SF3A3: variants seen among roughly 807,000 people sequenced by gnomAD.
The protein encoded by SF3A3 is splicing factor 3a subunit 3, also known as SAP 61.
SF3A3 carries 9 observed loss-of-function variants against 85.8 expected under a neutral mutation model. The ratio of observed to expected loss-of-function variants is 0.10; its 90% CI spans 0.06 to 0.18. The LOEUF (loss-of-function observed/expected upper bound fraction) is 0.18. Among genes scored for constraint, SF3A3 ranks in the 10% least tolerant of loss-of-function variants. The probability of loss-of-function intolerance (pLI) is 1.00; values close to 1 mark genes in which losing one functional copy is unlikely to be tolerated. For missense variants in SF3A3, 306 were observed against 593.3 expected, an observed-to-expected ratio of 0.52 and a Z score of 5.03; for synonymous variants, 195 against 204.4, an observed-to-expected ratio of 0.95 and a Z score of 0.39.
chr1:37,961,520 G>T (rs1053640296), intron 15 of SF3A3, among the ~76,000 whole-genome samples: 13 of 151,562 alleles, frequency 8.6e-5, no homozygotes, highest in African/African-American at 3.2e-4. Flanking sequence ...GGAGGTGGAG[G>T]TTGGGGTGAG....
intron 8 of SF3A3, 34 bp downstream of exon 8, chr1:37,980,552 G>C (rs1434033664): frequency 6.2e-7 from 1 of 1,606,138 alleles, no homozygotes; most frequent in Admixed American, 1.7e-5. Context: ...CAATTCCCTG[G>C]CATGTCCACC....
rs749234675 is a variant in SF3A3, at chr1:37,969,537, G to A, written c.1170+34C>T. The A allele has an allele frequency of 3.7e-6, 6 of 1,613,998 alleles. No homozygotes were observed. The African/African-American group carries it at 8.0e-5, about 22-fold the overall frequency. ...AACTCTGTATCTGTTTCCAAAATGG[G>A]GAATGGGGAGAAAGTGGTAGTGCTG... On this transcript the variant is annotated intron_variant, in intron 13 of 16. Transcript: ENST00000373019.
At position 37,984,295 on chromosome 1, in the gene SF3A3, T is replaced by C. The variant is rs748191017; in HGVS notation, c.377-35A>G. 2.0e-5 allele frequency: 24 copies of C among 1,228,584 alleles called. No homozygotes were observed. In the Admixed American group the frequency reaches 3.9e-4, roughly 20 times the overall value. The allele number at this position is 1,228,584 out of a possible 1,614,324, so 76.1% of individuals were successfully genotyped here. A position where few individuals can be genotyped will look rare whatever the true frequency, so the allele number is the denominator to read the frequency against. On this transcript the variant is annotated intron_variant, in intron 5 of 16. Coordinates refer to ENST00000373019, the MANE Select transcript of SF3A3 (RefSeq NM_006802.4). ...TCAGATACATCAATGATTCAGTTTC[T>C]ACAGACCACTCTCTTGGACTTACCT...
chr1:37,987,741 C>G, intron 3 of SF3A3, 43 bp downstream of exon 3: 1 of 1,602,732 alleles, frequency 6.2e-7, no homozygotes, highest in Non-Finnish European at 8.5e-7. Context: ...ACCATGGCTC[C>G]TCAGAAGCAC....
intron 4 of SF3A3, 78 bp from the exon 5 acceptor site, chr1:37,984,857 G>T: frequency 1.7e-6 from 2 of 1,182,576 alleles, no homozygotes; most frequent in South Asian, 1.2e-5. Context: ...GCCCAGGCTG[G>T]AGTGCACTGG....
At chr1:37,972,062 A>T (rs1646348324) in intron 12 of SF3A3, among the ~76,000 whole-genome samples, 1 of 152,232 alleles carries the variant, frequency 6.6e-6, no homozygotes, top group Non-Finnish European at 1.5e-5. Flanking sequence ...AAAGGAAGTC[A>T]AATTGTCCCT....
rs1173343018 is a variant in SF3A3 at position 37,957,381 on chromosome 1, C to A, written c.*805G>T. The A allele has an allele frequency of 8.0e-5, 11 of 137,786 alleles. No homozygotes were observed. Among genetic ancestry groups the A allele is most frequent in the African/African-American group, 1.3e-4 (5 of 38,036 alleles). The allele number at this position is 137,786 out of a possible 1,614,324, so 8.5% of individuals were successfully genotyped here. On this transcript the variant is annotated 3_prime_UTR_variant, in exon 17 of 17. Transcript: ENST00000373019. Reference sequence around the variant, plus strand: ...CATTCCAACACAGCCCAACTCCCCCCCCCCCCCCTTTTTTTTTTTTTGAGA... The same window carrying A: ...CATTCCAACACAGCCCAACTCCCCCACCCCCCCCTTTTTTTTTTTTTGAGA...
chr1:37,981,907 G>T, intron 6 of SF3A3, 96 bp from the exon 7 acceptor site: 11 of 731,252 alleles, frequency 1.5e-5, no homozygotes, highest in Middle Eastern at 2.6e-4. Flanking sequence ...AAAATTGAGT[G>T]TTTTCTAAAG....
At position 37,971,804 on chromosome 1, in the gene SF3A3, C is replaced by T. The variant is rs563817095; in HGVS notation, c.1006-2069G>A. Among the ~76,000 whole-genome samples the T allele has an allele frequency of 1.2e-4, 19 of 152,304 alleles. No individual in the cohort carries two copies. The East Asian group carries it at 3.5e-3, about 28-fold the overall frequency. ...AGAAAAGGCCTTTGACAAAATTCAACAGCCCTTCATGCTAAAAACTCTCAA... is the reference window on the plus strand; with the variant it reads ...AGAAAAGGCCTTTGACAAAATTCAATAGCCCTTCATGCTAAAAACTCTCAA... On this transcript the variant is annotated intron_variant, in intron 12 of 16. Coordinates refer to ENST00000373019, the MANE Select transcript of SF3A3 (RefSeq NM_006802.4).
intron 1 of SF3A3, 113 bp from the exon 2 acceptor site, chr1:37,989,708 T>G: frequency 7.4e-7 from 1 of 1,357,728 alleles, no homozygotes; most frequent in South Asian, 1.3e-5. Flanking sequence ...CAGAAAGGCC[T>G]CTGGGGCTCC....
At chr1:37,985,467 T>C (rs945506465) in intron 4 of SF3A3, among the ~76,000 whole-genome samples, 2 of 152,046 alleles carry the variant, frequency 1.3e-5, no homozygotes, top group Non-Finnish European at 2.9e-5. Flanking sequence ...GGAGGGCAGG[T>C]ATCAGTACTT....
intron 6 of SF3A3, 103 bp from the exon 7 acceptor site, chr1:37,981,914 A>G (rs933804886): frequency 1.2e-4 from 86 of 724,644 alleles, no homozygotes; most frequent in Non-Finnish European, 9.8e-5. Context: ...AGTGTTTTCT[A>G]AAGAAGTAAC....
At position 37,977,057 on chromosome 1, in the gene SF3A3, G is replaced by A. The variant is rs915032007; in HGVS notation, c.936-104C>T. On this transcript the variant is annotated intron_variant, in intron 11 of 16. Transcript: ENST00000373019. ...TGCACAACTGCATTAAAAATTATAA[G>A]CACATGAGAAATACGATGCTATGAA... 2.0e-5 allele frequency: 16 copies of A among 801,480 alleles called. No individual in the cohort carries two copies. In the Admixed American group the frequency reaches 2.3e-4, roughly 12 times the overall value. 49.6% of individuals were successfully genotyped at this position (801,480 alleles called of 1,614,324 possible). A position where few individuals can be genotyped will look rare whatever the true frequency, so the allele number is the denominator to read the frequency against.
chr1:37,989,130 A>G (rs1037109733), intron 2 of SF3A3, among the ~76,000 whole-genome samples: 21 of 151,910 alleles, frequency 1.4e-4, no homozygotes, highest in African/African-American at 5.1e-4. Context: ...CTCCGTCTCT[A>G]CTAAAAATAC....
intron 4 of SF3A3, among the ~76,000 whole-genome samples, chr1:37,986,682 G>A (rs1284481121): frequency 6.6e-6 from 1 of 151,714 alleles, no homozygotes; most frequent in Non-Finnish European, 1.5e-5. Context: ...CGTGGTGGCA[G>A]GCACCTGTAG....
chr1:37,979,868 CA>C (rs1646405184), intron 8 of SF3A3, among the ~76,000 whole-genome samples: 1 of 67,686 alleles, frequency 1.5e-5, no homozygotes, highest in Non-Finnish European at 4.9e-5. Flanking sequence ...TCCCAAAAAA[CA>C]AAACAAAACA....
chr1:37,989,535 G>A lies in SF3A3; in HGVS notation c.144+13C>T. The A allele has an allele frequency of 1.2e-6, 2 of 1,612,898 alleles. No individual in the cohort carries two copies. Among genetic ancestry groups the A allele is most frequent in the African/African-American group, 2.7e-5 (2 of 74,916 alleles). ...TCGCCAACCCAAAGAGAGGCAGACA[G>A]CTGGGCACTCACATCTTGCATGGCC... On this transcript the variant is annotated intron_variant, in intron 2 of 16. Coordinates refer to ENST00000373019, the MANE Select transcript of SF3A3 (RefSeq NM_006802.4).
chr1:37,962,111 A>G (rs147688286), intron 15 of SF3A3, among the ~76,000 whole-genome samples: 13 of 110,246 alleles, frequency 1.2e-4, no homozygotes, highest in African/African-American at 4.5e-4. Flanking sequence ...ACAAAACAAA[A>G]CAAACAAAAA....
intron 15 of SF3A3, among the ~76,000 whole-genome samples, chr1:37,961,365 A>G (rs1646256551): frequency 6.6e-6 from 1 of 151,718 alleles, no homozygotes; most frequent in Non-Finnish European, 1.5e-5. Flanking sequence ...CAGGCGGAAC[A>G]CCTGAGGTCG....
Sources: gnomAD v4.1 joint callset for allele counts (sites outside exome capture counted in the v4.1 genomes callset) on GRCh38, gnomAD v4.1.1 for gene constraint, MANE v1.5 for transcripts, NCBI Gene and HGNC (gene_info 2026-07-23, HGNC 2026-07-21) for gene names.